TMEM253: variants seen among roughly 807,000 people sequenced by gnomAD.
TMEM253 encodes the protein transmembrane protein C14orf176.
Under a neutral mutation model 20.3 loss-of-function variants are expected in TMEM253, and 22 were observed. The ratio of observed to expected loss-of-function variants is 1.08; its 90% CI spans 0.78 to 1.55. The LOEUF is 1.55. Ranked by LOEUF, TMEM253 falls within the 40% of genes most tolerant of loss-of-function variation. The probability of loss-of-function intolerance (pLI) is 0.00; values close to 1 mark genes in which losing one functional copy is unlikely to be tolerated. For synonymous variants in TMEM253, 92 were observed against 102.6 expected, an observed-to-expected ratio of 0.90 and a Z score of 0.62; for missense variants, 251 against 266.1, an observed-to-expected ratio of 0.94 and a Z score of 0.39.
exon 1 of TMEM253, chr14:21,101,109 T>C (rs1889597868): frequency 2.4e-6 from 1 of 411,500 alleles, no homozygotes; most frequent in East Asian, 4.8e-5. Context: ...TGTCGTCTGC[T>C]CTGAGCTATC....
chr14:21,100,957 G>C (rs777056299), upstream of TMEM253: 2 of 170,120 alleles, frequency 1.2e-5, no homozygotes, highest in Admixed American at 1.1e-4. Context: ...AATGGGAACA[G>C]AGTGAGGTCG....
chr14:21,099,989 C>T (rs569464317), upstream of TMEM253, among the ~76,000 whole-genome samples: 6 of 152,264 alleles, frequency 3.9e-5, no homozygotes, highest in South Asian at 1.0e-3. Flanking sequence ...AAACACCCAC[C>T]CTGAATCAAC....
chr14:21,101,811 G>A (rs1023936595), intron 2 of TMEM253, 54 bp from the exon 3 acceptor site: 4 of 1,417,008 alleles, frequency 2.8e-6, no homozygotes, highest in Admixed American at 4.1e-5. Flanking sequence ...GGAGTTACGA[G>A]AAGGGAGGGA....
At chr14:21,103,081 T>G in intron 6 of TMEM253, 58 bp from the exon 7 acceptor site, 1 of 1,550,958 alleles carries the variant, frequency 6.4e-7, no homozygotes, top group Non-Finnish European at 8.7e-7. Flanking sequence ...GTTGTTTCTG[T>G]CTGGGGTTTC....
In TMEM253 at chr14:21,102,421, T is replaced by C. The variant is rs759131097; in HGVS notation, c.293T>C (p.Ile98Thr). The C allele has an allele frequency of 1.9e-6, 3 of 1,551,696 alleles. No homozygotes were observed. The South Asian group carries it at 3.6e-5, about 18-fold the overall frequency. Residue 98 changes from isoleucine to threonine, a missense_variant, in exon 5 of 7, where the codon ATA becomes ACA. Ile to Thr is a moderately conservative substitution (Grantham distance 89, BLOSUM62 -1). Coordinates refer to ENST00000556585, the Ensembl canonical transcript of TMEM253. ...CACTGGCAGGTGCGGGCCATGATGA[T>C]ATTCAACACCTTCAACTTGATCTTG... is the stretch of plus-strand genomic sequence containing the variant.
chr14:21,102,527 T>C lies in TMEM253; in HGVS notation c.387+12T>C. ...CTGCCTCCTCCCAGGTACTGGTCAA[T>C]GAAGGAGAAGGTGGGAGGATAAGGA... On this transcript the variant is annotated intron_variant, in intron 5 of 6. Coordinates refer to ENST00000556585, the Ensembl canonical transcript of TMEM253. 1 of 1,551,566 alleles carries C rather than the reference T, an allele frequency of 6.4e-7. No individual in the cohort carries two copies. Among genetic ancestry groups the C allele is most frequent in the Non-Finnish European group, 8.7e-7 (1 of 1,146,946 alleles).
upstream of TMEM253, among the ~76,000 whole-genome samples, chr14:21,099,532 G>A (rs1889508529): frequency 6.6e-6 from 1 of 152,242 alleles, no homozygotes; most frequent in Admixed American, 6.5e-5. Flanking sequence ...TGTTGGCACA[G>A]CACTGATGGG....
In TMEM253 at chr14:21,101,492, C is replaced by T. The variant is rs756018855; in HGVS notation, c.108+41C>T. ...CCCATCCCAGGTCTCAGCATGTCCA[C>T]TTCTACCCAATTCAATTCCATCCAT... On this transcript the variant is annotated intron_variant, in intron 2 of 6. Transcript: ENST00000556585. 3 of 1,509,738 alleles carry T rather than the reference C, an allele frequency of 2.0e-6. No individual in the cohort carries two copies. The South Asian group carries it at 3.6e-5, about 18-fold the overall frequency. The allele number at this position is 1,509,738 out of a possible 1,614,324, so 93.5% of individuals were successfully genotyped here.
chr14:21,102,504 G>A, exon 5 of TMEM253: 1 of 1,551,758 alleles, frequency 6.4e-7, no homozygotes, highest in Admixed American at 2.0e-5. Flanking sequence ...TGCCCCAACT[G>A]CCTCCTCCCA....
chr14:21,103,302 C>T (rs755001481), exon 7 of TMEM253: 4 of 1,533,780 alleles, frequency 2.6e-6, no homozygotes, highest in Admixed American at 4.1e-5. Context: ...CCACCAAACT[C>T]AGAAGCTTGC....
At chr14:21,099,174 C>A (rs12889457), upstream of TMEM253, 106,663 of 189,354 alleles carry the variant, frequency 0.56, 34,337 homozygotes, top group Non-Finnish European at 0.71. Flanking sequence ...TCCTTCCAGG[C>A]GATTGTAGTC....
upstream of TMEM253, chr14:21,099,017 A>C: frequency 3.0e-6 from 1 of 333,736 alleles, no homozygotes; most frequent in South Asian, 2.7e-5. Flanking sequence ...TTCTTGATAA[A>C]CAATTCCTGC....
exon 2 of TMEM253, chr14:21,101,366 A>G: frequency 6.4e-7 from 1 of 1,551,682 alleles, no homozygotes; most frequent in Non-Finnish European, 8.7e-7. Flanking sequence ...GCTGGTGAGC[A>G]AGAGCAGGAG....
At chr14:21,102,955 A>G (rs918029892) in intron 6 of TMEM253, 176 bp downstream of exon 6, 53 of 1,358,014 alleles carry the variant, frequency 3.9e-5, no homozygotes, top group Non-Finnish European at 4.4e-5. Context: ...ATGGTGGGTA[A>G]GAGGAAACTG....
chr14:21,102,271 G>C (rs547733732), intron 4 of TMEM253, 134 bp from the exon 5 acceptor site: 57 of 1,405,448 alleles, frequency 4.1e-5, no homozygotes, highest in Non-Finnish European at 4.9e-5. Context: ...AAGCAAAAAA[G>C]TTAAGAGGGC....
exon 7 of TMEM253, chr14:21,103,427 C>A: frequency 9.1e-7 from 1 of 1,099,802 alleles, no homozygotes; most frequent in Non-Finnish European, 1.3e-6. Flanking sequence ...GAGAATATAT[C>A]CTCACCTCAC....
chr14:21,103,372 G>A (rs1889771200), exon 7 of TMEM253: 4 of 1,443,452 alleles, frequency 2.8e-6, no homozygotes, highest in East Asian at 2.5e-5. Flanking sequence ...CTCAAAGCAG[G>A]CCCTTTTTTC....
chr14:21,101,180 A>AC (rs1348448128), exon 1 of TMEM253: 5 of 603,054 alleles, frequency 8.3e-6, no homozygotes, highest in Admixed American at 5.8e-5. Flanking sequence ...GCTGCTTCAG[A>AC]CTAGGTAGGT....
intron 6 of TMEM253, 158 bp from the exon 7 acceptor site, chr14:21,102,981 G>A: frequency 7.3e-7 from 1 of 1,370,744 alleles, no homozygotes; most frequent in Non-Finnish European, 9.9e-7. Context: ...CCAAATGATT[G>A]AGGTTAAAAG....
Sources: allele counts gnomAD v4.1 joint callset (sites outside exome capture counted in the v4.1 genomes callset), GRCh38; gene constraint gnomAD v4.1.1; transcripts MANE v1.5; gene names NCBI Gene and HGNC (gene_info 2026-07-23, HGNC 2026-07-21).